Variants in RAB38 observed in about 807,000 individuals in gnomAD.
The protein encoded by RAB38 is RAB38, member RAS oncogene family, also known as ras-related protein Rab-38.
RAB38 carries 15 observed loss-of-function variants against 18.4 expected under a neutral mutation model. The observed-to-expected ratio is 0.82, with a 90% CI of 0.55 to 1.26. The LOEUF is 1.26. Among genes scored for constraint, RAB38 ranks in the 50% most tolerant of loss-of-function variants. The pLI, the probability that RAB38 is intolerant of heterozygous loss-of-function variation, is 0.00. For synonymous variants in RAB38, 101 were observed against 104.4 expected, an observed-to-expected ratio of 0.97 and a Z score of 0.20; for missense variants, 294 against 267.4, an observed-to-expected ratio of 1.10 and a Z score of -0.69.
In RAB38 at chr11:88,175,079, G is replaced by C. The variant is rs183646796; in HGVS notation, c.202+104C>G. 5.6e-4 allele frequency: 732 copies of C among 1,307,734 alleles called. 11 individuals carry two copies. In the South Asian group the frequency reaches 0.011, roughly 19 times the overall value. 81.0% of individuals were successfully genotyped at this position (1,307,734 alleles called of 1,614,324 possible). ...AGCCCACCAGGAAAAACTGCCTCGC[G>C]ACCTAGTGATTTTAATCTCACGCTT... On this transcript the variant is annotated intron_variant, in intron 1 of 2. Transcript: ENST00000243662.
At chr11:88,054,548 T>A in the RAB38 span, among the ~76,000 whole-genome samples, 4 of 152,220 alleles carry the variant, frequency 2.6e-5, no homozygotes, top group Admixed American at 2.6e-4. Context: ...TGGGATTTAG[T>A]AAGCTTCTAC....
the RAB38 span, among the ~76,000 whole-genome samples, chr11:88,101,401 A>G: frequency 3.3e-5 from 5 of 151,972 alleles, no homozygotes; most frequent in Non-Finnish European, 5.9e-5. Context: ...TCCAGCATTC[A>G]TGGTTTGGTT....
the RAB38 span, among the ~76,000 whole-genome samples, chr11:88,018,446 C>T: frequency 6.6e-6 from 1 of 152,156 alleles, no homozygotes; most frequent in Admixed American, 6.6e-5. Context: ...CCTTCCATCT[C>T]TCTTCTACAA....
the RAB38 span, among the ~76,000 whole-genome samples, chr11:87,943,747 C>T: frequency 6.6e-6 from 1 of 152,096 alleles, no homozygotes; most frequent in African/African-American, 2.4e-5. Flanking sequence ...AAGGATGTGG[C>T]AGTTTTTCAG....
chr11:88,131,735 C>T (rs1361943758), intron 2 of RAB38, among the ~76,000 whole-genome samples: 1 of 152,174 alleles, frequency 6.6e-6, no homozygotes, highest in African/African-American at 2.4e-5. Context: ...TTCTAATGTT[C>T]CCAAGATGTC....
chr11:88,043,720 C>T, the RAB38 span, among the ~76,000 whole-genome samples: 81 of 152,028 alleles, frequency 5.3e-4, no homozygotes, highest in Non-Finnish European at 1.0e-3. Context: ...CAGACTCAGC[C>T]CGCCTGCACC....
chr11:87,847,267 A>G, the RAB38 span, among the ~76,000 whole-genome samples: 1 of 152,100 alleles, frequency 6.6e-6, no homozygotes, highest in African/African-American at 2.4e-5. Flanking sequence ...TATCATGAGT[A>G]AAAGAGAATA....
the RAB38 span, among the ~76,000 whole-genome samples, chr11:87,856,163 T>A: frequency 6.6e-6 from 1 of 152,194 alleles, no homozygotes; most frequent in Admixed American, 6.5e-5. Context: ...ATGGGAGGGT[T>A]ATACGTCCTG....
chr11:88,048,395 T>C, the RAB38 span, among the ~76,000 whole-genome samples: 1 of 152,142 alleles, frequency 6.6e-6, no homozygotes, highest in Non-Finnish European at 1.5e-5. Flanking sequence ...TGGTATTCAG[T>C]GGAAACTTCC....
At chr11:87,837,532 T>C in the RAB38 span, among the ~76,000 whole-genome samples, 1 of 152,206 alleles carries the variant, frequency 6.6e-6, no homozygotes. Flanking sequence ...AGCAGTGGTA[T>C]GGTATAAGTG....
At chr11:87,929,283 T>A in the RAB38 span, among the ~76,000 whole-genome samples, 2 of 152,072 alleles carry the variant, frequency 1.3e-5, no homozygotes, top group African/African-American at 4.8e-5. Context: ...GTGCTATACT[T>A]ATTGTAACCC....
the RAB38 span, among the ~76,000 whole-genome samples, chr11:88,015,697 G>C: frequency 3.3e-5 from 5 of 152,114 alleles, no homozygotes; most frequent in African/African-American, 1.2e-4. Context: ...AGTAAAGACA[G>C]CACCCAGTCA....
At chr11:88,080,829 A>T in the RAB38 span, among the ~76,000 whole-genome samples, 2 of 122,552 alleles carry the variant, frequency 1.6e-5, no homozygotes, top group Non-Finnish European at 3.4e-5. Context: ...TGAGCAATTT[A>T]GCATGGAAGG....
chr11:88,113,877 G>C lies in RAB38; in HGVS notation c.*111C>G, dbSNP rs1295699584. 3 of 1,288,406 alleles carry C rather than the reference G, an allele frequency of 2.3e-6. No individual in the cohort carries two copies. The highest frequency in any genetic ancestry group is 2.2e-6 in the Non-Finnish European group (2 of 916,372). 79.8% of individuals were successfully genotyped at this position (1,288,406 alleles called of 1,614,324 possible). On this transcript the variant is annotated 3_prime_UTR_variant, in exon 3 of 3. Coordinates refer to ENST00000243662, the MANE Select transcript of RAB38 (RefSeq NM_022337.3). ...GAAAAAACAGAGGCATAGATCTTTG[G>C]CTTGCCACATGTGGTATCTCTATCC...
chr11:87,923,970 A>G, the RAB38 span, among the ~76,000 whole-genome samples: 1 of 151,826 alleles, frequency 6.6e-6, no homozygotes, highest in Non-Finnish European at 1.5e-5. Flanking sequence ...TGAAAAAAAA[A>G]AAAACACATT....
chr11:88,142,012 C>G (rs1942921588), intron 2 of RAB38, among the ~76,000 whole-genome samples: 1 of 152,128 alleles, frequency 6.6e-6, no homozygotes, highest in South Asian at 2.1e-4. Context: ...GCCCTCTCTT[C>G]TGATGGATGG....
the RAB38 span, among the ~76,000 whole-genome samples, chr11:87,976,783 T>C: frequency 0.035 from 3,069 of 87,764 alleles, 189 homozygotes; most frequent in South Asian, 0.091. Flanking sequence ...TATTTATATA[T>C]TATATAATAT....
chr11:87,828,458 C>T, the RAB38 span, among the ~76,000 whole-genome samples: 1 of 152,284 alleles, frequency 6.6e-6, no homozygotes, highest in South Asian at 2.1e-4. Flanking sequence ...TATCTCTAAT[C>T]TGTACTGCAG....
At chr11:88,074,406 G>C in the RAB38 span, among the ~76,000 whole-genome samples, 1 of 152,130 alleles carries the variant, frequency 6.6e-6, no homozygotes, top group African/African-American at 2.4e-5. Context: ...TGGGGAAATG[G>C]AGTTACAGAG....
Sources: gnomAD v4.1 joint callset for allele counts (sites outside exome capture counted in the v4.1 genomes callset) on GRCh38, gnomAD v4.1.1 for gene constraint, MANE v1.5 for transcripts, NCBI Gene and HGNC (gene_info 2026-07-23, HGNC 2026-07-21) for gene names.